NRG1: variants seen among roughly 807,000 people sequenced by gnomAD.
The protein encoded by NRG1 is neuregulin 1.
Under a neutral mutation model 63.8 loss-of-function variants are expected in NRG1, and 18 were observed. The observed-to-expected ratio is 0.28, with a 90% CI of 0.19 to 0.42. NRG1 has a LOEUF of 0.42. Ranked by LOEUF, NRG1 falls within the 10% of genes least tolerant of loss-of-function variation. The pLI is 1.00. For synonymous variants in NRG1, 302 were observed against 301.3 expected (o/e 1.00, Z -0.02); for missense variants, 762 against 814.7 (o/e 0.94, Z 0.79).
chr8:32,339,837 G>T (rs902190116), intron 1 of NRG1, among the ~76,000 whole-genome samples: 4 of 152,130 alleles, frequency 2.6e-5, no homozygotes, highest in Non-Finnish European at 5.9e-5. Context: ...AAAACCCTTT[G>T]TAAGCCTTGA....
At chr8:31,693,853 T>C (rs752365115) in intron 1 of NRG1, among the ~76,000 whole-genome samples, 1 of 152,180 alleles carries the variant, frequency 6.6e-6, no homozygotes, top group Non-Finnish European at 1.5e-5. Flanking sequence ...ACTGTTATTA[T>C]TGGAGACAGG....
chr8:32,407,964 C>A (rs1485556588), intron 1 of NRG1, among the ~76,000 whole-genome samples: 1 of 152,164 alleles, frequency 6.6e-6, no homozygotes. Flanking sequence ...CAAATCCTTA[C>A]TTTCAGTCCA....
At chr8:32,059,997 G>A (rs1823581171) in intron 1 of NRG1, among the ~76,000 whole-genome samples, 1 of 151,628 alleles carries the variant, frequency 6.6e-6, no homozygotes, top group Non-Finnish European at 1.5e-5. Context: ...TTTCTATTTT[G>A]TTTATTCCAA....
intron 1 of NRG1, among the ~76,000 whole-genome samples, chr8:31,796,545 G>A (rs144046261): frequency 1.3e-3 from 179 of 137,838 alleles, no homozygotes; most frequent in African/African-American, 4.3e-3. Context: ...CCATTCTCCC[G>A]CCTTAGCCTC....
At chr8:32,430,370 G>A (rs1008183201) in intron 1 of NRG1, among the ~76,000 whole-genome samples, 3 of 152,182 alleles carry the variant, frequency 2.0e-5, no homozygotes, top group African/African-American at 7.2e-5. Context: ...ATATTTATGA[G>A]CAGCAATAAA....
intron 9 of NRG1, 49 bp from the exon 10 acceptor site, chr8:32,759,257 T>C: frequency 6.3e-7 from 1 of 1,587,412 alleles, no homozygotes; most frequent in Non-Finnish European, 8.6e-7. Flanking sequence ...GTGCTTTGAT[T>C]GACATGAATC....
chr8:31,906,383 G>A (rs191843798), intron 1 of NRG1, among the ~76,000 whole-genome samples: 253 of 152,218 alleles, frequency 1.7e-3, no homozygotes, highest in African/African-American at 5.8e-3. Flanking sequence ...ACACAGGTAC[G>A]ATGTAGGAGG....
At chr8:32,763,760 C>G in exon 12 of NRG1, 1 of 1,554,148 alleles carries the variant, frequency 6.4e-7, no homozygotes, top group African/African-American at 1.4e-5. Flanking sequence ...ATGTGTCAGC[C>G]ATGACCACCC....
At chr8:31,797,821 A>G (rs1586486833) in intron 1 of NRG1, among the ~76,000 whole-genome samples, 1 of 152,256 alleles carries the variant, frequency 6.6e-6, no homozygotes, top group East Asian at 1.9e-4. Flanking sequence ...AAGAAAATGT[A>G]TGTATACAGA....
intron 1 of NRG1, among the ~76,000 whole-genome samples, chr8:32,279,805 C>A (rs530105256): frequency 7.6e-4 from 116 of 152,294 alleles, no homozygotes; most frequent in African/African-American, 2.7e-3. Flanking sequence ...CCATTACCTG[C>A]GTCTGTTAGG....
chr8:32,506,799 G>A (rs370492690), intron 1 of NRG1, among the ~76,000 whole-genome samples: 84 of 152,152 alleles, frequency 5.5e-4, no homozygotes, highest in African/African-American at 1.9e-3. Context: ...AGGATCACTT[G>A]AGTCCAGAAG....
At chr8:32,470,977 A>T (rs941218601) in intron 1 of NRG1, among the ~76,000 whole-genome samples, 1 of 152,130 alleles carries the variant, frequency 6.6e-6, no homozygotes, top group Non-Finnish European at 1.5e-5. Flanking sequence ...TCTAAAAAAT[A>T]TATATTTTTG....
intron 1 of NRG1, among the ~76,000 whole-genome samples, chr8:32,122,335 T>C (rs971514102): frequency 2.0e-5 from 3 of 151,978 alleles, no homozygotes; most frequent in Admixed American, 2.0e-4. Context: ...GGTGGGTTTT[T>C]GGTAGTCACA....
chr8:32,028,513 G>A (rs1817801095), intron 1 of NRG1, among the ~76,000 whole-genome samples: 1 of 152,106 alleles, frequency 6.6e-6, no homozygotes, highest in African/African-American at 2.4e-5. Context: ...CTTTGCCTAT[G>A]TATTTTTCCA....
intron 1 of NRG1, among the ~76,000 whole-genome samples, chr8:31,957,834 A>C (rs992760727): frequency 6.6e-6 from 1 of 152,144 alleles, no homozygotes; most frequent in Admixed American, 6.5e-5. Flanking sequence ...TTCTTATATT[A>C]AGTTGTAGAG....
rs1025969739 is a variant in NRG1 at position 32,016,640 on chromosome 8, T to A, written c.37+377209T>A. On this transcript the variant is annotated intron_variant, in intron 1 of 10. Transcript: ENST00000519301. Reference sequence around the variant, plus strand: ...TCTTAGGATGATAATAGAAAAAAAATTTGAGAATTTATCTTTCTCTGTACC... The same window carrying A: ...TCTTAGGATGATAATAGAAAAAAAAATTGAGAATTTATCTTTCTCTGTACC... 3.9e-5 allele frequency among the ~76,000 whole-genome samples: 6 copies of A among 152,156 alleles called. No individual in the cohort carries two copies. In the East Asian group the frequency reaches 7.7e-4, roughly 20 times the overall value.
intron 1 of NRG1, among the ~76,000 whole-genome samples, chr8:32,011,160 C>T (rs16878662): frequency 0.024 from 3,705 of 152,066 alleles, 144 homozygotes; most frequent in African/African-American, 0.084. Flanking sequence ...GATGTCAGTA[C>T]GGAAGTTTGA....
intron 1 of NRG1, among the ~76,000 whole-genome samples, chr8:31,791,125 A>C (rs1820660409): frequency 6.6e-6 from 1 of 151,104 alleles, no homozygotes; most frequent in South Asian, 2.1e-4. Flanking sequence ...GCAAGAATCC[A>C]TTGAGCCTGG....
chr8:31,928,537 C>T (rs1029849367), intron 1 of NRG1, among the ~76,000 whole-genome samples: 6 of 151,910 alleles, frequency 3.9e-5, no homozygotes, highest in Non-Finnish European at 7.4e-5. Context: ...ATCAAAAAGA[C>T]ACCTGAATGT....
Sources: gnomAD v4.1 joint callset for allele counts (sites outside exome capture counted in the v4.1 genomes callset) on GRCh38, gnomAD v4.1.1 for gene constraint, MANE v1.5 for transcripts, NCBI Gene and HGNC (gene_info 2026-07-23, HGNC 2026-07-21) for gene names.